Variants in KLF13 observed in about 807,000 individuals in gnomAD.
The protein encoded by KLF13 is KLF transcription factor 13.
A neutral mutation model predicts 16.7 loss-of-function variants in KLF13; 8 were observed. The ratio of observed to expected loss-of-function variants is 0.48; its 90% confidence interval spans 0.28 to 0.87. The LOEUF (loss-of-function observed/expected upper bound fraction) is 0.87, where lower values mean the gene tolerates loss of function less well. KLF13 is among the 40% of genes least tolerant of loss of function. The probability of loss-of-function intolerance (pLI) is 0.10; values close to 1 mark genes in which losing one functional copy is unlikely to be tolerated. For synonymous variants in KLF13, 245 were observed against 208.4 expected (o/e 1.18, Z -1.51); for missense variants, 447 against 452.2 (o/e 0.99, Z 0.10).
chr15:31,355,498 AC>A (rs1296982841), intron 1 of KLF13, among the ~76,000 whole-genome samples: 1 of 152,120 alleles, frequency 6.6e-6, no homozygotes, highest in African/African-American at 2.4e-5. Flanking sequence ...TAAGCAGGTC[AC>A]CCCCACCATC....
intron 1 of KLF13, among the ~76,000 whole-genome samples, chr15:31,418,151 C>T (rs2040278048): frequency 6.6e-6 from 1 of 152,078 alleles, no homozygotes; most frequent in African/African-American, 2.4e-5. Context: ...AAAATTTACA[C>T]TTAATTACAT....
In KLF13 at chr15:31,374,998, A is replaced by G. The variant is rs533234546; in HGVS notation, c.*2699A>G. On this transcript the variant is annotated 3_prime_UTR_variant, in exon 2 of 2. Coordinates refer to ENST00000307145, the MANE Select transcript of KLF13 (RefSeq NM_015995.4). ...AAACAGAAATATGCAGGCGTTGGCTATTTTTGGCATAAGAGCGTGTCTTCA... is the reference window on the plus strand; with the variant it reads ...AAACAGAAATATGCAGGCGTTGGCTGTTTTTGGCATAAGAGCGTGTCTTCA... 2 of 152,672 alleles carry G rather than the reference A, an allele frequency of 1.3e-5. No homozygotes were observed. Among genetic ancestry groups the G allele is most frequent in the East Asian group, 3.9e-4 (2 of 5,176 alleles). 9.5% of individuals were successfully genotyped at this position (152,672 alleles called of 1,614,324 possible).
downstream of KLF13, among the ~76,000 whole-genome samples, chr15:31,382,817 C>T: frequency 6.6e-6 from 1 of 152,202 alleles, no homozygotes; most frequent in East Asian, 1.9e-4. Flanking sequence ...GGTACCGCGT[C>T]CACTCACTCA....
At chr15:31,392,486 T>C (rs537338091), upstream of KLF13, among the ~76,000 whole-genome samples, 141 of 152,056 alleles carry the variant, frequency 9.3e-4, 2 homozygotes, top group Middle Eastern at 0.014. Context: ...CGCGTCCTTT[T>C]CCCCCGGGTC....
intron 1 of KLF13, among the ~76,000 whole-genome samples, chr15:31,365,635 G>T (rs2039456242): frequency 2.0e-5 from 3 of 152,200 alleles, no homozygotes; most frequent in East Asian, 1.9e-4. Context: ...ACTCACCTGT[G>T]GGGGGTTGGG....
At chr15:31,328,561 TGCCCTCTC>T (rs2038764572) in intron 1 of KLF13, among the ~76,000 whole-genome samples, 2 of 151,730 alleles carry the variant, frequency 1.3e-5, no homozygotes, top group African/African-American at 4.8e-5. Context: ...TCCTCCGTGC[TGCCCTCTC>T]GCCTGCCCAC....
At chr15:31,383,744 CA>C (rs201175525) in intron 1 of KLF13, among the ~76,000 whole-genome samples, 3 of 151,320 alleles carry the variant, frequency 2.0e-5, no homozygotes, top group Admixed American at 6.6e-5. Flanking sequence ...ACTAAAAATG[CA>C]AAAAAAATTA....
intron 1 of KLF13, among the ~76,000 whole-genome samples, chr15:31,354,728 A>C (rs1279093596): frequency 6.6e-6 from 1 of 152,130 alleles, no homozygotes; most frequent in Non-Finnish European, 1.5e-5. Flanking sequence ...CTTCAGACAG[A>C]TGCCCACATC....
At chr15:31,431,120 C>T (rs978549500) in intron 1 of KLF13, among the ~76,000 whole-genome samples, 1 of 152,146 alleles carries the variant, frequency 6.6e-6, no homozygotes, top group Non-Finnish European at 1.5e-5. Flanking sequence ...AAAAAAGAGA[C>T]ACAAAAGAGC....
At position 31,327,659 on chromosome 15, in the gene KLF13, A is replaced by T; in HGVS notation, c.447A>T (p.Gln149His). The change falls in exon 1 of 2, where the codon CAA becomes CAT. Residue 149 changes from glutamine (Q) to histidine (H), a missense_variant. This residue lies in a region of KLF13 where 359 missense variants were observed against 282.8 expected (regional missense o/e 1.27). Coordinates refer to ENST00000307145, the MANE Select transcript of KLF13 (RefSeq NM_015995.4). ...GGAGCGGCGAGCCCGGCCTCAGACAAAGGGTCCGGCGGGGCCGAAGTCGCG... is the reference window on the plus strand; with the variant it reads ...GGAGCGGCGAGCCCGGCCTCAGACATAGGGTCCGGCGGGGCCGAAGTCGCG... Reference protein sequence around the residue: ...PAGSGEPGLRQRVRRGRSRAD... With the variant: ...PAGSGEPGLRHRVRRGRSRAD... 1.3e-6 allele frequency: 2 copies of T among 1,486,658 alleles called. No homozygotes were observed. The highest frequency in any genetic ancestry group is 2.5e-5 in the South Asian group (2 of 80,996). The allele number at this position is 1,486,658 out of a possible 1,614,324, so 92.1% of individuals were successfully genotyped here. A position where few individuals can be genotyped will look rare whatever the true frequency, so the allele number is the denominator to read the frequency against.
At chr15:31,385,984 G>A (rs192415479) in intron 1 of KLF13, among the ~76,000 whole-genome samples, 1 of 152,356 alleles carries the variant, frequency 6.6e-6, no homozygotes, top group East Asian at 1.9e-4. Flanking sequence ...TCCAGTGAAT[G>A]CATGAATGAT....
intron 1 of KLF13, among the ~76,000 whole-genome samples, chr15:31,335,051 A>G (rs907737383): frequency 9.9e-5 from 15 of 152,258 alleles, no homozygotes; most frequent in Admixed American, 2.0e-4. Context: ...GTATGCCTCC[A>G]TAGCCACGTA....
downstream of KLF13, among the ~76,000 whole-genome samples, chr15:31,382,686 G>A (rs990145144): frequency 1.3e-5 from 2 of 152,168 alleles, no homozygotes; most frequent in Non-Finnish European, 2.9e-5. Flanking sequence ...CTGCCCTCAG[G>A]GGGGCCCAGT....
intron 1 of KLF13, among the ~76,000 whole-genome samples, chr15:31,415,150 G>T (rs1748781678): frequency 6.6e-6 from 1 of 152,110 alleles, no homozygotes; most frequent in South Asian, 2.1e-4. Flanking sequence ...CTTCTGCCGT[G>T]AGTCCATGAG....
chr15:31,335,308 C>T (rs2038909068), intron 1 of KLF13, among the ~76,000 whole-genome samples: 1 of 152,124 alleles, frequency 6.6e-6, no homozygotes, highest in South Asian at 2.1e-4. Flanking sequence ...GGGGCTATGC[C>T]TTCACACCCT....
intron 1 of KLF13, among the ~76,000 whole-genome samples, chr15:31,345,838 C>T (rs1000353604): frequency 1.4e-4 from 22 of 152,118 alleles, no homozygotes; most frequent in Admixed American, 1.3e-3. Flanking sequence ...ATATTTGCAC[C>T]GTCAGTTTAC....
chr15:31,343,806 G>A (rs1201238391), intron 1 of KLF13, among the ~76,000 whole-genome samples: 1 of 152,186 alleles, frequency 6.6e-6, no homozygotes, highest in Non-Finnish European at 1.5e-5. Context: ...ATGACTCCAT[G>A]GGGAAGGTCT....
In KLF13 at chr15:31,372,155, C is replaced by T; in HGVS notation, c.723C>T (p.His241=). Residue 241 remains histidine, a synonymous_variant, in exon 2 of 2, where the codon CAC becomes CAT. Coordinates refer to ENST00000307145, the MANE Select transcript of KLF13 (RefSeq NM_015995.4). ...AGAAGCGCTTCATGCGCAGCGACCA[C>T]CTGACCAAGCACGCGCGCCGCCACG... ...ICEKRFMRSD[H]LTKHARRHAN... The T allele has an allele frequency of 6.2e-7, 1 of 1,612,906 alleles. No homozygotes were observed. Among genetic ancestry groups the T allele is most frequent in the Non-Finnish European group, 8.5e-7 (1 of 1,179,934 alleles).
intron 1 of KLF13, among the ~76,000 whole-genome samples, chr15:31,354,498 A>G (rs532842268): frequency 6.6e-6 from 1 of 152,310 alleles, no homozygotes; most frequent in South Asian, 2.1e-4. Context: ...CTCCTGCCTC[A>G]GCCTCTCAAG....
Sources: gnomAD v4.1 joint callset for allele counts (sites outside exome capture counted in the v4.1 genomes callset) on GRCh38, gnomAD v4.1.1 for gene constraint, gnomAD v4.1.1 regional missense constraint, MANE v1.5 for transcripts, NCBI Gene and HGNC (gene_info 2026-07-23, HGNC 2026-07-21) for gene names.